The following ERICH6B variants were observed in gnomAD, a reference collection of about 807,000 sequenced individuals.
ERICH6B encodes the protein glutamate-rich protein 6B.
Under a neutral mutation model 80.0 loss-of-function variants are expected in ERICH6B, and 69 were observed. The ratio of observed to expected loss-of-function variants is 0.86; its 90% CI spans 0.71 to 1.05. ERICH6B has a LOEUF of 1.05. ERICH6B is among the 50% of genes least tolerant of loss of function. The pLI is 0.00. For synonymous variants in ERICH6B, 283 were observed against 291.9 expected (o/e 0.97, Z 0.31); for missense variants, 754 against 796.1 (o/e 0.95, Z 0.64).
rs550627767 is a variant in ERICH6B at position 45,587,334 on chromosome 13, G to C, written c.687-102C>G. ...GTTGAGGGGGTGCTCTTGATGTCCA[G>C]ACCCAGATGATGGACATCTCAAGGT... is the stretch of plus-strand genomic sequence containing the variant. On this transcript the variant is annotated intron_variant, in intron 4 of 14. Coordinates refer to ENST00000298738, the MANE Select transcript of ERICH6B (RefSeq NM_182542.3). 3 of 957,654 alleles carry C rather than the reference G, an allele frequency of 3.1e-6. No individual in the cohort carries two copies. The East Asian group carries it at 7.9e-5, about 25-fold the overall frequency. 59.3% of individuals were successfully genotyped at this position (957,654 alleles called of 1,614,324 possible).
At chr13:45,579,357 A>G (rs558561215) in intron 7 of ERICH6B, among the ~76,000 whole-genome samples, 2 of 152,334 alleles carry the variant, frequency 1.3e-5, no homozygotes, top group East Asian at 1.9e-4. Context: ...CAAGTAAAAC[A>G]GATCTTAGTC....
chr13:45,612,637 C>T (rs1043981685), intron 1 of ERICH6B, among the ~76,000 whole-genome samples: 1 of 152,144 alleles, frequency 6.6e-6, no homozygotes, highest in African/African-American at 2.4e-5. Flanking sequence ...ATGTGACAGC[C>T]TTTTCTCCTC....
chr13:45,564,640 G>T (rs1874838007), intron 9 of ERICH6B, among the ~76,000 whole-genome samples: 1 of 152,228 alleles, frequency 6.6e-6, no homozygotes, highest in Admixed American at 6.5e-5. Context: ...AGAAGCAATA[G>T]GGAAATTTGA....
At chr13:45,563,616 G>A in intron 10 of ERICH6B, 111 bp downstream of exon 10, 1 of 996,110 alleles carries the variant, frequency 1.0e-6, no homozygotes, top group Admixed American at 2.0e-5. Context: ...AGGCACTGAA[G>A]TGAGTGAATG....
At chr13:45,606,514 TATATATATATATATATATATATATA>T (rs1949862070) in intron 2 of ERICH6B, among the ~76,000 whole-genome samples, 1 of 22,952 alleles carries the variant, frequency 4.4e-5, no homozygotes, top group Non-Finnish European at 7.3e-5. Context: ...TGTATATATA[TATATATATATATATATATATATATA>T]TATATATATT....
chr13:45,608,068 A>G lies in ERICH6B; in HGVS notation c.-110-453T>C, dbSNP rs190847212. ...GTTGTTGAGATAAAAATCAAGCACC[A>G]CCCCAAAATTAGTATGGAACAGGAA... On this transcript the variant is annotated intron_variant, in intron 1 of 14. Transcript: ENST00000298738. Among the ~76,000 whole-genome samples, 131 of 152,134 alleles carry G rather than the reference A, an allele frequency of 8.6e-4. 1 individual carries two copies. Among genetic ancestry groups the G allele is most frequent in the African/African-American group, 3.1e-3 (128 of 41,490 alleles).
At chr13:45,577,428 C>T (rs908048687) in intron 7 of ERICH6B, among the ~76,000 whole-genome samples, 6 of 151,964 alleles carry the variant, frequency 3.9e-5, no homozygotes, top group East Asian at 3.9e-4. Flanking sequence ...GGATTACAGG[C>T]GTGTGCCACC....
intron 4 of ERICH6B, 36 bp downstream of exon 4, chr13:45,590,613 G>T: frequency 6.5e-7 from 1 of 1,542,256 alleles, no homozygotes; most frequent in Non-Finnish European, 8.8e-7. Context: ...CCAAGCAGGA[G>T]TTTCCACCTG....
chr13:45,543,998 T>G (rs1269901021), intron 14 of ERICH6B, among the ~76,000 whole-genome samples: 1 of 152,190 alleles, frequency 6.6e-6, no homozygotes, highest in Non-Finnish European at 1.5e-5. Flanking sequence ...CAAGTGAGCC[T>G]CCTGCCTCAG....
intron 11 of ERICH6B, among the ~76,000 whole-genome samples, chr13:45,550,547 AT>A (rs1443647200): frequency 5.3e-5 from 8 of 152,146 alleles, no homozygotes; most frequent in African/African-American, 2.4e-5. Context: ...CACCCCAATG[AT>A]TATTGATTGC....
intron 2 of ERICH6B, among the ~76,000 whole-genome samples, chr13:45,599,730 T>C (rs780603841): frequency 2.6e-4 from 39 of 152,166 alleles, no homozygotes; most frequent in Non-Finnish European, 8.8e-5. Context: ...AGTGACTCCA[T>C]TCTGATTTGG....
Position 45,614,993 on chromosome 13 carries a change from C to A in ERICH6B, c.-111+692G>T, listed in dbSNP as rs369822917. On this transcript the variant is annotated intron_variant, in intron 1 of 14. Transcript: ENST00000298738. Reference sequence around the variant, plus strand: ...GTGCAGTGTTTAGCACTATAGACACCCAGTGCACTCATTACAACATCATTT... The same window carrying A: ...GTGCAGTGTTTAGCACTATAGACACACAGTGCACTCATTACAACATCATTT... Among the ~76,000 whole-genome samples, 423 of 152,332 alleles carry A rather than the reference C, an allele frequency of 2.8e-3. 2 individuals are homozygous for A. The highest frequency in any genetic ancestry group is 9.5e-3 in the African/African-American group (393 of 41,578).
intron 11 of ERICH6B, among the ~76,000 whole-genome samples, chr13:45,558,783 C>A (rs566704614): frequency 4.1e-4 from 62 of 152,210 alleles, no homozygotes; most frequent in Non-Finnish European, 7.4e-4. Flanking sequence ...GTATGAAACC[C>A]ACTTGATTGT....
rs567592572 is a variant in ERICH6B at position 45,588,049 on chromosome 13, C to T, written c.687-817G>A. Among the ~76,000 whole-genome samples the T allele has an allele frequency of 3.9e-5, 6 of 152,272 alleles. No homozygotes were observed. In the East Asian group the frequency reaches 9.7e-4, roughly 25 times the overall value. ...GTTGGCTCTTGCAACATAGTAGAGG[C>T]ACTTGGGGTAAGTTACTTGTTTGCT... On this transcript the variant is annotated intron_variant, in intron 4 of 14. Transcript: ENST00000298738.
chr13:45,584,337 C>G (rs1199157530), intron 5 of ERICH6B, among the ~76,000 whole-genome samples: 2 of 152,180 alleles, frequency 1.3e-5, no homozygotes, highest in Admixed American at 1.3e-4. Context: ...CACGTCAGAC[C>G]TGCCACCCTC....
intron 13 of ERICH6B, among the ~76,000 whole-genome samples, chr13:45,548,251 A>G (rs1229925146): frequency 2.6e-5 from 4 of 152,236 alleles, no homozygotes; most frequent in South Asian, 2.1e-4. Flanking sequence ...TGGCTTGGCT[A>G]TAAGTCCCTC....
chr13:45,593,039 C>T (rs994266866), intron 3 of ERICH6B, among the ~76,000 whole-genome samples: 4 of 152,162 alleles, frequency 2.6e-5, no homozygotes, highest in Admixed American at 6.5e-5. Context: ...TGTTGTGCAT[C>T]CAAAATCTGA....
chr13:45,590,291 C>T (rs796792975), intron 4 of ERICH6B, among the ~76,000 whole-genome samples: 33 of 152,016 alleles, frequency 2.2e-4, no homozygotes, highest in African/African-American at 7.7e-4. Context: ...TATTCTCTTC[C>T]GGGACAGACT....
chr13:45,543,660 A>T (rs1873875687), intron 14 of ERICH6B, among the ~76,000 whole-genome samples: 1 of 152,212 alleles, frequency 6.6e-6, no homozygotes, highest in African/African-American at 2.4e-5. Context: ...GGACACCTTG[A>T]TCTCAGACTT....
Sources: gnomAD v4.1 joint callset for allele counts (sites outside exome capture counted in the v4.1 genomes callset) on GRCh38, gnomAD v4.1.1 for gene constraint, MANE v1.5 for transcripts, NCBI Gene and HGNC (gene_info 2026-07-23, HGNC 2026-07-21) for gene names.